Variants in TLE1 observed in about 807,000 individuals in gnomAD.
The protein encoded by TLE1 is TLE family member 1, transcriptional corepressor, also known as transducin-like enhancer protein 1.
In TLE1, 21 loss-of-function variants were observed where a neutral mutation model predicts 89.8. That is an observed-to-expected ratio of 0.23 (90% CI 0.17 to 0.34). TLE1 has a LOEUF of 0.34. Among genes scored for constraint, TLE1 ranks in the 10% least tolerant of loss-of-function variants. The pLI is 1.00. For missense variants in TLE1, 795 were observed against 1,031.2 expected (o/e 0.77, Z 3.14); for synonymous variants, 447 against 407.6 (o/e 1.10, Z -1.16).
At chr9:81,647,743 G>C (rs1050703268) in intron 6 of TLE1, among the ~76,000 whole-genome samples, 1 of 152,122 alleles carries the variant, frequency 6.6e-6, no homozygotes, top group African/African-American at 2.4e-5. Flanking sequence ...GACTATATGA[G>C]GTCATAAAGC....
At chr9:81,592,076 T>A (rs1460644935) in intron 15 of TLE1, among the ~76,000 whole-genome samples, 2 of 152,126 alleles carry the variant, frequency 1.3e-5, no homozygotes, top group African/African-American at 4.8e-5. Flanking sequence ...AATCGGAACA[T>A]GGCCGGGCGC....
chr9:81,625,713 A>G (rs1002901888), intron 8 of TLE1, among the ~76,000 whole-genome samples: 1 of 152,148 alleles, frequency 6.6e-6, no homozygotes, highest in Admixed American at 6.5e-5. Context: ...TATCCTGACC[A>G]TTCAACACAA....
In TLE1 at chr9:81,687,421, G is replaced by A. The variant is rs372989218; in HGVS notation, c.38C>T (p.Ala13Val). 1.9e-6 allele frequency: 3 copies of A among 1,610,074 alleles called. No individual in the cohort carries two copies. Among genetic ancestry groups the A allele is most frequent in the African/African-American group, 2.7e-5 (2 of 74,920 alleles). ...PQSRHPTPHQ[A>V]AGQPFKFTIP... ...AGTGAACTTGAAGGGCTGGCCTGCA[G>A]CCTGGTGCGGCGTCTGGGGGCGACC... The change falls in exon 2 of 20, where the codon GCT becomes GTT. Residue 13 changes from alanine (A) to valine (V), a missense_variant. Physicochemically the swap from Ala to Val is moderately conservative, Grantham distance 64 (BLOSUM62 0). Coordinates refer to ENST00000376499, the MANE Select transcript of TLE1 (RefSeq NM_005077.5).
At position 81,593,161 on chromosome 9, in the gene TLE1, T is replaced by A; in HGVS notation, c.1445A>T (p.Asn482Ile). Residue 482 changes from asparagine (N) to isoleucine (I), a missense_variant, in exon 15 of 20, where the codon AAC (asparagine) becomes ATC (isoleucine). Transcript: ENST00000376499. ...PRHARQINTLNHGEVVCAVTI... is the reference protein window; with the variant it reads ...PRHARQINTLIHGEVVCAVTI... ...CACAGCGCACACCACCTCCCCGTGG[T>A]TGAGGGTGTTGATCTGGCGAGCATG... The A allele has an allele frequency of 6.2e-7, 1 of 1,614,068 alleles. No individual in the cohort carries two copies. Among genetic ancestry groups the A allele is most frequent in the Non-Finnish European group, 8.5e-7 (1 of 1,180,026 alleles).
chr9:81,632,893 T>C lies in TLE1; in HGVS notation c.594+455A>G, dbSNP rs541668352. On this transcript the variant is annotated intron_variant, in intron 8 of 19. Transcript: ENST00000376499. ...ATGCATTCACAGAGGATGACTGGTT[T>C]AAGTAGAAATGGTACATTACTAACC... Among the ~76,000 whole-genome samples the C allele has an allele frequency of 2.6e-5, 4 of 152,332 alleles. No individual in the cohort carries two copies. The East Asian group carries it at 7.7e-4, about 29-fold the overall frequency.
chr9:81,657,892 A>T (rs1830327700), intron 4 of TLE1, among the ~76,000 whole-genome samples: 2 of 150,994 alleles, frequency 1.3e-5, no homozygotes, highest in Non-Finnish European at 2.9e-5. Context: ...GTACATGTTC[A>T]CTACAGACAT....
Position 81,652,228 on chromosome 9 carries a change from T to C in TLE1, c.358A>G (p.Asn120Asp), listed in dbSNP as rs755131090. The C allele has an allele frequency of 6.2e-7, 1 of 1,613,874 alleles. No individual in the cohort carries two copies. The highest frequency in any genetic ancestry group is 1.7e-5 in the Admixed American group (1 of 59,982). ...AGGCCACGTACCCCGATGATGGCAT[T>C]CAATTCTGCCATGGTCACCTGTTTG... Reference protein sequence around the residue: ...RAKQVTMAELNAIIGQQQLQA... With the variant: ...RAKQVTMAELDAIIGQQQLQA... Residue 120 changes from asparagine to aspartate, a missense_variant, in exon 6 of 20, where the codon AAT becomes GAT. Physicochemically the swap from Asn to Asp is conservative, Grantham distance 23. Around this residue, in one of 4 missense-constraint regions of TLE1, gnomAD observed 66 missense variants for 118.7 expected, o/e 0.56. Coordinates refer to ENST00000376499, the MANE Select transcript of TLE1 (RefSeq NM_005077.5).
chr9:81,586,640 G>A (rs1216494156), intron 17 of TLE1, among the ~76,000 whole-genome samples: 4 of 152,168 alleles, frequency 2.6e-5, no homozygotes, highest in African/African-American at 9.7e-5. Context: ...TCCAGTGTCT[G>A]GGGGTGGGAA....
intron 14 of TLE1, among the ~76,000 whole-genome samples, chr9:81,603,685 C>A (rs1831255838): frequency 6.6e-6 from 1 of 152,190 alleles, no homozygotes; most frequent in Non-Finnish European, 1.5e-5. Context: ...CATGTCTTCA[C>A]AAATTTGTCA....
intron 6 of TLE1, among the ~76,000 whole-genome samples, chr9:81,648,375 G>A (rs570573273): frequency 6.6e-6 from 1 of 151,634 alleles, no homozygotes; most frequent in Non-Finnish European, 1.5e-5. Flanking sequence ...GGGAAAAACT[G>A]TAAGAATAAT....
At chr9:81,653,942 T>C (rs756317508) in intron 5 of TLE1, 32 bp downstream of exon 5, 5 of 1,602,498 alleles carry the variant, frequency 3.1e-6, no homozygotes, top group Non-Finnish European at 4.3e-6. Context: ...AGCAACATAA[T>C]TGCACTTTAA....
At chr9:81,660,662 G>A (rs1033255752) in intron 4 of TLE1, among the ~76,000 whole-genome samples, 4 of 150,580 alleles carry the variant, frequency 2.7e-5, no homozygotes, top group African/African-American at 9.7e-5. Flanking sequence ...GTGATTCGCC[G>A]GTCTCAGCCT....
At chr9:81,673,165 C>G (rs569367253) in intron 4 of TLE1, among the ~76,000 whole-genome samples, 3 of 150,462 alleles carry the variant, frequency 2.0e-5, no homozygotes, top group Non-Finnish European at 3.0e-5. Flanking sequence ...CCCAGCTACT[C>G]GGGAGGCTGA....
chr9:81,629,768 G>A (rs375332783), intron 8 of TLE1, among the ~76,000 whole-genome samples: 1 of 152,106 alleles, frequency 6.6e-6, no homozygotes, highest in South Asian at 2.1e-4. Flanking sequence ...AAGTATTTGT[G>A]TATCTAAACA....
chr9:81,612,832 C>A (rs1823887585), intron 12 of TLE1, among the ~76,000 whole-genome samples: 1 of 152,182 alleles, frequency 6.6e-6, no homozygotes, highest in Non-Finnish European at 1.5e-5. Context: ...CCGAGATGGG[C>A]AGATCACCTG....
intron 8 of TLE1, among the ~76,000 whole-genome samples, chr9:81,625,204 G>T (rs1825758787): frequency 6.6e-6 from 1 of 152,186 alleles, no homozygotes; most frequent in Admixed American, 6.5e-5. Context: ...AATTCTGTGA[G>T]AACACCAGAT....
At chr9:81,671,820 A>C (rs1245473834) in intron 4 of TLE1, among the ~76,000 whole-genome samples, 3 of 152,100 alleles carry the variant, frequency 2.0e-5, no homozygotes, top group Non-Finnish European at 4.4e-5. Context: ...TCCCCTCCTA[A>C]GTTAGTGGTA....
chr9:81,672,520 G>A (rs1832358606), intron 4 of TLE1, among the ~76,000 whole-genome samples: 2 of 148,692 alleles, frequency 1.3e-5, no homozygotes, highest in Non-Finnish European at 3.0e-5. Flanking sequence ...TGTGAACCTT[G>A]ACTGTCAACA....
intron 8 of TLE1, among the ~76,000 whole-genome samples, chr9:81,628,575 G>A (rs1826189974): frequency 6.6e-6 from 1 of 152,104 alleles, no homozygotes; most frequent in Non-Finnish European, 1.5e-5. Flanking sequence ...TCCTGCCTCT[G>A]ACAAAATTAA....
Sources: allele counts gnomAD v4.1 joint callset (sites outside exome capture counted in the v4.1 genomes callset), GRCh38; gene constraint gnomAD v4.1.1; regional missense constraint gnomAD v4.1.1; transcripts MANE v1.5; gene names NCBI Gene and HGNC (gene_info 2026-07-23, HGNC 2026-07-21).